DOCK1: variants seen among roughly 807,000 people sequenced by gnomAD.
DOCK1 encodes dedicator of cytokinesis 1, also known as dedicator of cytokinesis protein 1.
DOCK1 carries 138 observed loss-of-function variants against 262.7 expected under a neutral mutation model. That is an observed-to-expected ratio of 0.53 (90% CI 0.46 to 0.61). DOCK1 has a LOEUF of 0.61. Ranked by LOEUF, DOCK1 falls within the 20% of genes least tolerant of loss-of-function variation. DOCK1 has a pLI of 0.00. For missense variants in DOCK1, 1,908 were observed against 2,370.7 expected, an observed-to-expected ratio of 0.80 and a Z score of 4.05; for synonymous variants, 866 against 867.4, an observed-to-expected ratio of 1.00 and a Z score of 0.03.
intron 27 of DOCK1, among the ~76,000 whole-genome samples, chr10:127,173,361 G>A (rs2054760077): frequency 6.6e-6 from 1 of 152,172 alleles, no homozygotes; most frequent in Admixed American, 6.5e-5. Flanking sequence ...TTAGTAAACT[G>A]AGAACCACAC....
At chr10:127,094,526 G>C (rs936769386) in intron 23 of DOCK1, among the ~76,000 whole-genome samples, 2 of 152,168 alleles carry the variant, frequency 1.3e-5, no homozygotes, top group African/African-American at 4.8e-5. Context: ...CTGAGTATTG[G>C]TAGGGTGGGC....
chr10:127,310,745 A>C (rs1195554213), intron 29 of DOCK1, among the ~76,000 whole-genome samples: 1 of 152,218 alleles, frequency 6.6e-6, no homozygotes, highest in African/African-American at 2.4e-5. Context: ...TTAATGCCCC[A>C]GTTGTCGTGA....
At chr10:127,000,112 A>G (rs1314719187) in intron 9 of DOCK1, 60 bp from the exon 10 acceptor site, 1 of 1,585,630 alleles carries the variant, frequency 6.3e-7, no homozygotes, top group Admixed American at 1.7e-5. Context: ...TGTCCTTTTC[A>G]TTGGAGCTTG....
intron 29 of DOCK1, among the ~76,000 whole-genome samples, chr10:127,333,744 G>T (rs1331303415): frequency 6.6e-6 from 1 of 152,160 alleles, no homozygotes; most frequent in Non-Finnish European, 1.5e-5. Context: ...GGCCACACCA[G>T]CCTGTCTCCC....
rs374715523 is a variant in DOCK1 at position 127,249,501 on chromosome 10, G to A, written c.2949+1392G>A. ...GCTTAACAATTCTGCCAAATGCATCGTTAGGCAATTTCATCATTGTGCAAG... is the reference window on the plus strand; with the variant it reads ...GCTTAACAATTCTGCCAAATGCATCATTAGGCAATTTCATCATTGTGCAAG... On this transcript the variant is annotated intron_variant, in intron 28 of 51. Transcript: ENST00000623213. Among the ~76,000 whole-genome samples, 15 of 151,526 alleles carry A rather than the reference G, an allele frequency of 9.9e-5. No homozygotes were observed. The South Asian group carries it at 1.5e-3, about 15-fold the overall frequency.
At chr10:127,248,312 G>T (rs998538136) in intron 28 of DOCK1, among the ~76,000 whole-genome samples, 4 of 152,138 alleles carry the variant, frequency 2.6e-5, no homozygotes, top group African/African-American at 9.7e-5. Flanking sequence ...TTGCTTCTAG[G>T]GCTGAATGGA....
Position 127,175,248 on chromosome 10 carries a change from A to G in DOCK1, c.2847+47484A>G, listed in dbSNP as rs1302599397. The G allele has an allele frequency of 6.2e-7, 1 of 1,614,068 alleles. No individual in the cohort carries two copies. Among genetic ancestry groups the G allele is most frequent in the Non-Finnish European group, 8.5e-7 (1 of 1,180,002 alleles). ...GGCCTCTCCTTTTTCCAACTCCTGAATGACCCCCAAGAGCACTTTGATGGT... is the reference window on the plus strand; with the variant it reads ...GGCCTCTCCTTTTTCCAACTCCTGAGTGACCCCCAAGAGCACTTTGATGGT... On this transcript the variant is annotated intron_variant, in intron 27 of 51. Coordinates refer to ENST00000623213, the MANE Select transcript of DOCK1 (RefSeq NM_001290223.2). This position sits in a 1 kb window ranked among gnomAD's most constrained non-coding sequence, Gnocchi z 6.3.
intron 31 of DOCK1, among the ~76,000 whole-genome samples, chr10:127,354,370 T>G (rs2064032966): frequency 6.6e-6 from 1 of 152,194 alleles, no homozygotes; most frequent in East Asian, 1.9e-4. Context: ...AGCTCCCCCT[T>G]GGGCCCAGGA....
At chr10:127,145,014 G>C (rs976917907) in intron 27 of DOCK1, among the ~76,000 whole-genome samples, 3 of 152,210 alleles carry the variant, frequency 2.0e-5, no homozygotes, top group Non-Finnish European at 4.4e-5. Context: ...TCCAAAGTTA[G>C]AGTTAGACGA....
intron 27 of DOCK1, among the ~76,000 whole-genome samples, chr10:127,164,864 G>A (rs938119996): frequency 2.6e-5 from 4 of 152,134 alleles, no homozygotes; most frequent in African/African-American, 9.7e-5. Context: ...GCAAAATGAT[G>A]ACAATGATAC....
At position 127,415,164 on chromosome 10, in the gene DOCK1, G is replaced by A. The variant is rs369679951; in HGVS notation, c.4441G>A (p.Glu1481Lys). 30 of 1,613,078 alleles carry A rather than the reference G, an allele frequency of 1.9e-5. No individual in the cohort carries two copies. Among genetic ancestry groups the A allele is most frequent in the African/African-American group, 1.1e-4 (8 of 74,918 alleles). ...PDNEFANMWI[E>K]RTIYTTAYKL... is the part of the protein sequence containing the mutation. ...GTTTCCTTTGCAGAATATGTGGATCGAGAGAACCATATATACAACTGCATA... is the reference window on the plus strand; with the variant it reads ...GTTTCCTTTGCAGAATATGTGGATCAAGAGAACCATATATACAACTGCATA... Residue 1481 changes from glutamate to lysine, a missense_variant, in exon 44 of 52, where the codon GAG becomes AAG. Around this residue, in one of 9 missense-constraint regions of DOCK1, gnomAD observed 267 missense variants for 366.3 expected, o/e 0.73. Coordinates refer to ENST00000623213, the MANE Select transcript of DOCK1 (RefSeq NM_001290223.2).
In DOCK1 at chr10:127,091,702, A is replaced by G. The variant is rs577797139; in HGVS notation, c.2446-14529A>G. On this transcript the variant is annotated intron_variant, in intron 23 of 51. Coordinates refer to ENST00000623213, the MANE Select transcript of DOCK1 (RefSeq NM_001290223.2). ...ATAAATCTGTGTCCCTTCCCAGAGA[A>G]GAGCGTGTCAAAATGCAGCATTCGT... 1.3e-4 allele frequency among the ~76,000 whole-genome samples: 20 copies of G among 152,362 alleles called. No homozygotes were observed. The South Asian group carries it at 3.7e-3, about 28-fold the overall frequency.
chr10:127,445,902 A>T (rs1462824132), intron 50 of DOCK1, among the ~76,000 whole-genome samples: 1 of 152,252 alleles, frequency 6.6e-6, no homozygotes, highest in Admixed American at 6.5e-5. Flanking sequence ...AGTGAAATAG[A>T]TCAGTCACAA....
At chr10:127,102,513 A>T (rs1348717192) in intron 23 of DOCK1, among the ~76,000 whole-genome samples, 1 of 152,208 alleles carries the variant, frequency 6.6e-6, no homozygotes, top group Non-Finnish European at 1.5e-5. Context: ...ATTCCCAGGT[A>T]ATATATTCTT....
chr10:127,185,324 C>G (rs2056127379), intron 27 of DOCK1, among the ~76,000 whole-genome samples: 1 of 152,040 alleles, frequency 6.6e-6, no homozygotes, highest in African/African-American at 2.4e-5. Flanking sequence ...GTCAGGAGAT[C>G]AAGACCATCC....
Position 127,413,687 on chromosome 10 carries a change from G to T in DOCK1, c.4429-1465G>T, listed in dbSNP as rs539954673. Among the ~76,000 whole-genome samples, 5 of 152,314 alleles carry T rather than the reference G, an allele frequency of 3.3e-5. No individual in the cohort carries two copies. In the South Asian group the frequency reaches 1.0e-3, roughly 32 times the overall value. ...TCCGTCTCAGGGCATGTTGACATGA[G>T]AGAAAGCACTGGAATCTGGTCTAGA... is the stretch of plus-strand genomic sequence containing the variant. On this transcript the variant is annotated intron_variant, in intron 43 of 51. Coordinates refer to ENST00000623213, the MANE Select transcript of DOCK1 (RefSeq NM_001290223.2).
intron 27 of DOCK1, among the ~76,000 whole-genome samples, chr10:127,214,049 A>G (rs1055236672): frequency 2.6e-5 from 4 of 152,064 alleles, no homozygotes; most frequent in Admixed American, 1.3e-4. Context: ...AGGTTTCACT[A>G]TGTTAGCCAG....
At chr10:127,343,857 G>A (rs2063525802) in intron 31 of DOCK1, 111 bp downstream of exon 31, 7 of 877,368 alleles carry the variant, frequency 8.0e-6, no homozygotes, top group Non-Finnish European at 1.2e-5. Flanking sequence ...TAATCACGGT[G>A]TAATGAAAGG....
chr10:127,277,899 T>G (rs1287336500), intron 29 of DOCK1, among the ~76,000 whole-genome samples: 1 of 151,554 alleles, frequency 6.6e-6, no homozygotes, highest in Admixed American at 6.6e-5. Context: ...TTCAAATCTT[T>G]AGAATTCGTT....
Sources: allele counts gnomAD v4.1 joint callset (sites outside exome capture counted in the v4.1 genomes callset), GRCh38; gene constraint gnomAD v4.1.1; regional missense constraint gnomAD v4.1.1; non-coding constraint Gnocchi (gnomAD v3.1); transcripts MANE v1.5; gene names NCBI Gene and HGNC (gene_info 2026-07-23, HGNC 2026-07-21).